SDCCAG8: variants seen among roughly 807,000 people sequenced by gnomAD.
SDCCAG8 encodes the protein SHH signaling and ciliogenesis regulator SDCCAG8, also known as serologically defined colon cancer antigen 8.
Under a neutral mutation model 101.8 loss-of-function variants are expected in SDCCAG8, and 74 were observed. The observed-to-expected ratio is 0.73, with a 90% CI of 0.60 to 0.88. The LOEUF is 0.88. SDCCAG8 is among the 40% of genes least tolerant of loss of function. The probability of loss-of-function intolerance (pLI) is 0.00; values close to 1 mark genes in which losing one functional copy is unlikely to be tolerated. For missense variants in SDCCAG8, 787 were observed against 822.6 expected (o/e 0.96, Z 0.53); for synonymous variants, 281 against 292.9 (o/e 0.96, Z 0.41).
chr1:243,419,727 C>T (rs952190663), intron 15 of SDCCAG8, among the ~76,000 whole-genome samples: 2 of 152,164 alleles, frequency 1.3e-5, no homozygotes, highest in Non-Finnish European at 2.9e-5. Flanking sequence ...ATGGTAATTA[C>T]AGTATTTTAC....
intron 10 of SDCCAG8, among the ~76,000 whole-genome samples, chr1:243,332,497 A>G (rs2149351709): frequency 6.7e-6 from 1 of 149,526 alleles, no homozygotes; most frequent in East Asian, 2.0e-4. Flanking sequence ...GGTGATTATC[A>G]TAATCCAGCT....
At chr1:243,480,684 A>G (rs1663469288) in intron 16 of SDCCAG8, among the ~76,000 whole-genome samples, 2 of 90,454 alleles carry the variant, frequency 2.2e-5, no homozygotes, top group African/African-American at 4.3e-5. Context: ...GATGGGTGGG[A>G]TGGATGGATG....
At chr1:243,297,059 C>T (rs970696875) in intron 6 of SDCCAG8, among the ~76,000 whole-genome samples, 2 of 152,204 alleles carry the variant, frequency 1.3e-5, no homozygotes, top group Non-Finnish European at 2.9e-5. Flanking sequence ...CCACTTTATG[C>T]TTCCTCCTAG....
At chr1:243,412,664 A>G (rs1363404034) in intron 13 of SDCCAG8, among the ~76,000 whole-genome samples, 1 of 151,858 alleles carries the variant, frequency 6.6e-6, no homozygotes, top group African/African-American at 2.4e-5. Context: ...GTGGACCAAG[A>G]CGATTCTCCC....
intron 12 of SDCCAG8, among the ~76,000 whole-genome samples, chr1:243,357,223 C>T (rs1276155690): frequency 6.6e-6 from 1 of 151,978 alleles, no homozygotes; most frequent in Non-Finnish European, 1.5e-5. Flanking sequence ...ACTAAAAATA[C>T]ACAAAATTAG....
At chr1:243,373,414 TG>T (rs930140774) in intron 12 of SDCCAG8, among the ~76,000 whole-genome samples, 1 of 152,120 alleles carries the variant, frequency 6.6e-6, no homozygotes, top group African/African-American at 2.4e-5. Context: ...CAAAACTCAG[TG>T]GCTTGCACCA....
In SDCCAG8 at chr1:243,326,261, A is replaced by C. The variant is rs993999520; in HGVS notation, c.1069-4279A>C. 6.6e-5 allele frequency among the ~76,000 whole-genome samples: 10 copies of C among 152,192 alleles called. No individual in the cohort carries two copies. The South Asian group carries it at 2.1e-3, about 31-fold the overall frequency. ...TATTATGTATACATAATAATTGTACATATTTATGGGTTACATGTGATATTC... is the reference window on the plus strand; with the variant it reads ...TATTATGTATACATAATAATTGTACCTATTTATGGGTTACATGTGATATTC... On this transcript the variant is annotated intron_variant, in intron 9 of 17. Coordinates refer to ENST00000366541, the MANE Select transcript of SDCCAG8 (RefSeq NM_006642.5).
intron 12 of SDCCAG8, among the ~76,000 whole-genome samples, chr1:243,344,649 A>G (rs1286681980): frequency 6.6e-6 from 1 of 152,230 alleles, no homozygotes; most frequent in Non-Finnish European, 1.5e-5. Flanking sequence ...ATATACATAC[A>G]TAAAGTTCTT....
chr1:243,338,982 ACC>A (rs2075211432), intron 10 of SDCCAG8: 2 of 150,582 alleles, frequency 1.3e-5, no homozygotes, highest in East Asian at 1.9e-4. Context: ...AGGAGGGGAG[ACC>A]TCAGAAAGTG....
At position 243,304,762 on chromosome 1, in the gene SDCCAG8, A is replaced by C; in HGVS notation, c.725A>C (p.Gln242Pro). Reference protein sequence around the residue: ...YEEKCEIEESQLKFLRNDLAE... With the variant: ...YEEKCEIEESPLKFLRNDLAE... ...GAAAAGTGTGAAATTGAGGAATCCC[A>C]ATTGAAGTTTTTGAGGTAAAGTGAA... The change falls in exon 7 of 18, where the codon CAA becomes CCA. Residue 242 changes from glutamine to proline, a missense_variant. Physicochemically the swap from Gln to Pro is moderately conservative, Grantham distance 76. Coordinates refer to ENST00000366541, the MANE Select transcript of SDCCAG8 (RefSeq NM_006642.5). The C allele has an allele frequency of 6.3e-7, 1 of 1,591,222 alleles. No individual in the cohort carries two copies. Among genetic ancestry groups the C allele is most frequent in the Non-Finnish European group, 8.6e-7 (1 of 1,159,318 alleles).
At chr1:243,447,176 G>T (rs2082971691) in intron 16 of SDCCAG8, among the ~76,000 whole-genome samples, 1 of 144,318 alleles carries the variant, frequency 6.9e-6, no homozygotes, top group Non-Finnish European at 1.5e-5. Flanking sequence ...TTGAATTCAG[G>T]AGGCAGAGGT....
In SDCCAG8 at chr1:243,308,026, C is replaced by G. The variant is rs201869920; in HGVS notation, c.778C>G (p.Leu260Val). Residue 260 changes from leucine to valine, a missense_variant, in exon 8 of 18, where the codon CTT becomes GTT. Leu to Val is a conservative substitution (Grantham distance 32). Coordinates refer to ENST00000366541, the MANE Select transcript of SDCCAG8 (RefSeq NM_006642.5). The stretch of plus-strand genomic sequence containing the variant: ...TGAATATCAGAGAACTTGTGAAGAT[C>G]TTAAAGAGCAACTAAAGCATAAAGA... ...LAEYQRTCED[L>V]KEQLKHKEFL... 1,184 of 1,614,102 alleles carry G rather than the reference C, an allele frequency of 7.3e-4. No individual in the cohort carries two copies. The highest frequency in any genetic ancestry group is 1.6e-3 in the Middle Eastern group (10 of 6,062).
At chr1:243,302,741 C>T (rs970598732) in intron 6 of SDCCAG8, among the ~76,000 whole-genome samples, 3 of 152,182 alleles carry the variant, frequency 2.0e-5, no homozygotes, top group African/African-American at 4.8e-5. Context: ...TGCCTGCAAA[C>T]ACAATGTCTC....
intron 16 of SDCCAG8, among the ~76,000 whole-genome samples, chr1:243,438,787 T>G (rs1249563214): frequency 6.6e-6 from 1 of 152,242 alleles, no homozygotes; most frequent in African/African-American, 2.4e-5. Flanking sequence ...GATAACTTTC[T>G]GCTGATCATG....
chr1:243,419,410 C>G (rs553162016), intron 15 of SDCCAG8, among the ~76,000 whole-genome samples: 3 of 152,230 alleles, frequency 2.0e-5, no homozygotes, highest in Middle Eastern at 3.4e-3. Flanking sequence ...TTGTTAGAAG[C>G]AAACAAACAA....
At chr1:243,340,081 C>G (rs1199629376) in intron 10 of SDCCAG8, among the ~76,000 whole-genome samples, 1 of 152,108 alleles carries the variant, frequency 6.6e-6, no homozygotes, top group Non-Finnish European at 1.5e-5. Flanking sequence ...AAACTGAGAA[C>G]CTAATACCCA....
intron 16 of SDCCAG8, among the ~76,000 whole-genome samples, chr1:243,480,797 G>A: frequency 7.7e-6 from 1 of 129,634 alleles, no homozygotes; most frequent in Non-Finnish European, 1.7e-5. Flanking sequence ...GGGTGGGATG[G>A]ATGGATGGAT....
At chr1:243,499,125 C>G (rs906755454) in intron 17 of SDCCAG8, among the ~76,000 whole-genome samples, 2 of 152,216 alleles carry the variant, frequency 1.3e-5, no homozygotes, top group African/African-American at 4.8e-5. Flanking sequence ...TCAATACTTT[C>G]TGAACTTGTG....
At chr1:243,492,809 G>A (rs528765570) in intron 17 of SDCCAG8, among the ~76,000 whole-genome samples, 33 of 151,848 alleles carry the variant, frequency 2.2e-4, no homozygotes, top group African/African-American at 7.5e-4. Context: ...GTTTCTCCAC[G>A]TAGGCCAGGC....
Sources: allele counts gnomAD v4.1 joint callset (sites outside exome capture counted in the v4.1 genomes callset), GRCh38; gene constraint gnomAD v4.1.1; transcripts MANE v1.5; gene names NCBI Gene and HGNC (gene_info 2026-07-23, HGNC 2026-07-21).